PCDHA7: variants seen among roughly 807,000 people sequenced by gnomAD.
PCDHA7 encodes the protein protocadherin alpha 7.
In PCDHA7, 37 loss-of-function variants were observed where a neutral mutation model predicts 57.2. The observed-to-expected ratio is 0.65, with a 90% CI of 0.50 to 0.85. PCDHA7 has a LOEUF of 0.85. Ranked by LOEUF, PCDHA7 falls within the 40% of genes least tolerant of loss-of-function variation. The probability of loss-of-function intolerance (pLI) is 0.00; values close to 1 mark genes in which losing one functional copy is unlikely to be tolerated. For missense variants in PCDHA7, 1,188 were observed against 1,241.8 expected, an observed-to-expected ratio of 0.96 and a Z score of 0.65; for synonymous variants, 553 against 558.8, an observed-to-expected ratio of 0.99 and a Z score of 0.15.
chr5:140,870,853 G>C (rs1554164757), intron 1 of PCDHA7: 2 of 1,613,888 alleles, frequency 1.2e-6, no homozygotes, highest in South Asian at 2.2e-5. Context: ...ACCGCGGTCG[G>C]TGGGTGCGGG....
At position 140,882,346 on chromosome 5, in the gene PCDHA7, G is replaced by C. The variant is rs146510190; in HGVS notation, c.2355+45608G>C. 1,878 of 1,614,194 alleles carry C rather than the reference G, an allele frequency of 1.2e-3. 37 individuals are homozygous for C. In the South Asian group the frequency reaches 0.019, roughly 17 times the overall value. On this transcript the variant is annotated intron_variant, in intron 1 of 3. Transcript: ENST00000525929. ...TTCTGATCCTCGCAGCCTGGGAGAC[G>C]GGTAGTGGCCAGCTCCACTACTCCG...
chr5:140,922,477 C>T (rs1233589980), intron 1 of PCDHA7, among the ~76,000 whole-genome samples: 2 of 152,124 alleles, frequency 1.3e-5, no homozygotes, highest in African/African-American at 2.4e-5. Context: ...GGAGAGAAGG[C>T]AGGACTAAAT....
Position 140,969,197 on chromosome 5 carries a change from A to G in PCDHA7, c.2356-9752A>G, listed in dbSNP as rs782342139. 4 of 1,614,132 alleles carry G rather than the reference A, an allele frequency of 2.5e-6. No individual in the cohort carries two copies. In the South Asian group the frequency reaches 4.4e-5, roughly 18 times the overall value. On this transcript the variant is annotated intron_variant, in intron 1 of 3. Coordinates refer to ENST00000525929, the MANE Select transcript of PCDHA7 (RefSeq NM_018910.3). ...GAGTGACACTTTCATGTTTTACAAT[A>G]CAGGGGCCCAGACAGGACCAGGGCC...
rs1773005004 is a variant in PCDHA7 at position 140,834,445 on chromosome 5, T to C, written c.62T>C (p.Leu21Pro). The C allele has an allele frequency of 1.2e-6, 2 of 1,613,974 alleles. No individual in the cohort carries two copies. The highest frequency in any genetic ancestry group is 1.3e-5 in the African/African-American group (1 of 74,954). Residue 21 changes from leucine (L) to proline (P), a missense_variant, in exon 1 of 4, where the codon CTA becomes CCA. By Grantham distance (98) the Leu-to-Pro change is moderately conservative. Transcript: ENST00000525929. ...GRHLLLFIII[L>P]AAWEAGRGQL... Reference sequence around the variant, plus strand: ...CATCTACTGCTGTTTATTATAATTCTAGCAGCTTGGGAGGCAGGGAGAGGC... The same window carrying C: ...CATCTACTGCTGTTTATTATAATTCCAGCAGCTTGGGAGGCAGGGAGAGGC...
chr5:140,996,737 T>G (rs887382236), intron 3 of PCDHA7, among the ~76,000 whole-genome samples: 3 of 152,166 alleles, frequency 2.0e-5, no homozygotes, highest in Non-Finnish European at 2.9e-5. Context: ...ACAAAAGTCA[T>G]AACAAATTAT....
intron 1 of PCDHA7, chr5:140,882,663 T>C (rs782768442): frequency 4.0e-5 from 65 of 1,614,026 alleles, no homozygotes; most frequent in Non-Finnish European, 5.3e-5. Flanking sequence ...AACCCGCCCA[T>C]ATTCCCTGAA....
rs564411271 is a variant in PCDHA7, at chr5:140,916,111, G to A, written c.2356-62838G>A. 1.9e-3 allele frequency among the ~76,000 whole-genome samples: 289 copies of A among 152,268 alleles called. 1 individual carries two copies. The highest frequency in any genetic ancestry group is 6.6e-3 in the African/African-American group (274 of 41,540). ...ACAGGGAATCTGCCTGGCCACTGCT[G>A]ATGTTCACTTAAAGCTTAAGGGCTG... On this transcript the variant is annotated intron_variant, in intron 1 of 3. Coordinates refer to ENST00000525929, the MANE Select transcript of PCDHA7 (RefSeq NM_018910.3).
chr5:140,858,202 A>T (rs782325182), intron 1 of PCDHA7: 5 of 1,597,020 alleles, frequency 3.1e-6, no homozygotes. Context: ...TGTACACTGC[A>T]CTGAGGTGCT....
chr5:140,883,449 C>G lies in PCDHA7; in HGVS notation c.2355+46711C>G, dbSNP rs782030208. The G allele has an allele frequency of 6.8e-6, 11 of 1,614,058 alleles. No homozygotes were observed. The Admixed American group carries it at 1.8e-4, about 27-fold the overall frequency. On this transcript the variant is annotated intron_variant, in intron 1 of 3. Coordinates refer to ENST00000525929, the MANE Select transcript of PCDHA7 (RefSeq NM_018910.3). Reference sequence around the variant, plus strand: ...ACCTGCACCTTGACGCCGCATGTCCCCTTCAAGCTGGTGTCCACCTACAAG... The same window carrying G: ...ACCTGCACCTTGACGCCGCATGTCCGCTTCAAGCTGGTGTCCACCTACAAG...
At chr5:140,935,255 C>T (rs914593610) in intron 1 of PCDHA7, among the ~76,000 whole-genome samples, 4 of 152,150 alleles carry the variant, frequency 2.6e-5, no homozygotes, top group African/African-American at 9.7e-5. Context: ...TAAAATACAT[C>T]ACATGTTTAT....
intron 1 of PCDHA7, among the ~76,000 whole-genome samples, chr5:140,891,255 A>C (rs1313851741): frequency 6.6e-6 from 1 of 151,868 alleles, no homozygotes; most frequent in Non-Finnish European, 1.5e-5. Context: ...GATTTTTTTT[A>C]ATTTTTAATT....
rs1329189325 is a variant in PCDHA7, at chr5:141,010,310, G to C, written c.*373G>C. The C allele has an allele frequency of 6.5e-7, 1 of 1,547,658 alleles. No individual in the cohort carries two copies. The highest frequency in any genetic ancestry group is 8.7e-7 in the Non-Finnish European group (1 of 1,145,866). ...CTTGCAGGGCAGGCTGAAAAGTTTT[G>C]AGATTGAGCAGCTTGGGAGTTTGTG... On this transcript the variant is annotated 3_prime_UTR_variant, in exon 4 of 4. Coordinates refer to ENST00000525929, the MANE Select transcript of PCDHA7 (RefSeq NM_018910.3).
intron 1 of PCDHA7, among the ~76,000 whole-genome samples, chr5:140,943,803 G>A (rs1429767850): frequency 6.6e-6 from 1 of 152,214 alleles, no homozygotes; most frequent in Non-Finnish European, 1.5e-5. Flanking sequence ...AAGCAAAAGA[G>A]GAAAGTTTGA....
At chr5:140,877,468 C>T in intron 1 of PCDHA7, 1 of 1,613,808 alleles carries the variant, frequency 6.2e-7, no homozygotes, top group Non-Finnish European at 8.5e-7. Context: ...GGCCACGGTG[C>T]TGGTGTCGCT....
chr5:140,981,144 A>G (rs1245688386), intron 2 of PCDHA7, among the ~76,000 whole-genome samples: 1 of 152,238 alleles, frequency 6.6e-6, no homozygotes, highest in African/African-American at 2.4e-5. Flanking sequence ...GAGTGAGAAA[A>G]CATTGAACTT....
rs1280903830 is a variant in PCDHA7, at chr5:140,927,541, G to T, written c.2356-51408G>T. 4 of 1,613,996 alleles carry T rather than the reference G, an allele frequency of 2.5e-6. No homozygotes were observed. The East Asian group carries it at 6.7e-5, about 27-fold the overall frequency. On this transcript the variant is annotated intron_variant, in intron 1 of 3. Coordinates refer to ENST00000525929, the MANE Select transcript of PCDHA7 (RefSeq NM_018910.3). ...CGGGCTACCTGCCCGCTCAGGAGAC[G>T]CACAAGTCACCATCATTGTGGTGGA...
intron 1 of PCDHA7, chr5:140,864,380 A>C (rs1581715525): frequency 6.6e-6 from 1 of 152,354 alleles, no homozygotes; most frequent in East Asian, 1.9e-4. Flanking sequence ...CGATAAGTTT[A>C]TCTCTCACAA....
chr5:140,875,529 G>T (rs369713851), intron 1 of PCDHA7: 5 of 1,613,994 alleles, frequency 3.1e-6, no homozygotes, highest in Admixed American at 1.7e-5. Context: ...TCTCGCTTCT[G>T]CTCCTTGCAG....
At chr5:140,883,871 G>A (rs1554180366) in intron 1 of PCDHA7, 2 of 1,613,242 alleles carry the variant, frequency 1.2e-6, no homozygotes, top group African/African-American at 2.7e-5. Context: ...GCAGTTCCAG[G>A]TGAGCGCGCG....
Sources: allele counts gnomAD v4.1 joint callset (sites outside exome capture counted in the v4.1 genomes callset), GRCh38; gene constraint gnomAD v4.1.1; transcripts MANE v1.5; gene names NCBI Gene and HGNC (gene_info 2026-07-23, HGNC 2026-07-21).